The following EIF4G3 variants were observed in gnomAD, a reference collection of about 807,000 sequenced individuals.
The protein encoded by EIF4G3 is eIF-4-gamma 3.
Under a neutral mutation model 186.4 loss-of-function variants are expected in EIF4G3, and 34 were observed. The observed-to-expected ratio is 0.18, with a 90% CI of 0.14 to 0.24. The LOEUF is 0.24. Among genes scored for constraint, EIF4G3 ranks in the 10% least tolerant of loss-of-function variants. The pLI is 1.00. For synonymous variants in EIF4G3, 673 were observed against 679.5 expected (o/e 0.99, Z 0.15); for missense variants, 1,536 against 1,948.5 (o/e 0.79, Z 3.99).
chr1:20,945,214 C>T (rs931427264), intron 13 of EIF4G3, among the ~76,000 whole-genome samples: 4 of 151,426 alleles, frequency 2.6e-5, no homozygotes, highest in Admixed American at 2.0e-4. Context: ...TAGGAATTTG[C>T]AGGAATTCCA....
chr1:20,907,898 G>A (rs949736307), intron 14 of EIF4G3, among the ~76,000 whole-genome samples: 6 of 151,920 alleles, frequency 3.9e-5, no homozygotes, highest in African/African-American at 1.5e-4. Flanking sequence ...TAATCCTTTG[G>A]GTATATACCC....
chr1:20,941,207 G>A (rs567392882), intron 14 of EIF4G3: 12 of 1,512,902 alleles, frequency 7.9e-6, no homozygotes, highest in Non-Finnish European at 1.1e-5. Context: ...ATATGAATGA[G>A]GCAATAGCAA....
At chr1:21,158,155 T>C (rs986853929) in intron 2 of EIF4G3, among the ~76,000 whole-genome samples, 19 of 150,376 alleles carry the variant, frequency 1.3e-4, no homozygotes, top group Non-Finnish European at 2.2e-4. Context: ...ACTCTCTCTT[T>C]AACAAATACA....
intron 2 of EIF4G3, among the ~76,000 whole-genome samples, chr1:21,149,058 T>C (rs1007796668): frequency 6.6e-6 from 1 of 151,532 alleles, no homozygotes; most frequent in Non-Finnish European, 1.5e-5. Context: ...ATCATGCCAT[T>C]GTACTCCAGC....
At chr1:21,025,547 G>T (rs1055944367) in intron 4 of EIF4G3, among the ~76,000 whole-genome samples, 1 of 152,158 alleles carries the variant, frequency 6.6e-6, no homozygotes, top group Non-Finnish European at 1.5e-5. Flanking sequence ...CTTCTCCAAG[G>T]TTTGAGGATT....
chr1:21,151,012 T>C (rs2097540440), intron 2 of EIF4G3, among the ~76,000 whole-genome samples: 1 of 151,906 alleles, frequency 6.6e-6, no homozygotes, highest in Non-Finnish European at 1.5e-5. Flanking sequence ...AAACAAAATA[T>C]CACTTACTAC....
intron 18 of EIF4G3, chr1:20,892,592 T>C: frequency 1.4e-6 from 2 of 1,392,950 alleles, no homozygotes; most frequent in Non-Finnish European, 2.0e-6. Flanking sequence ...GAGACTATTA[T>C]TACAAAAAAC....
chr1:21,041,914 C>G (rs936300348), intron 4 of EIF4G3, among the ~76,000 whole-genome samples: 10 of 151,734 alleles, frequency 6.6e-5, no homozygotes, highest in Admixed American at 6.6e-5. Context: ...GGGAAAAAAA[C>G]GTAAATAAAT....
intron 13 of EIF4G3, among the ~76,000 whole-genome samples, chr1:20,944,669 T>C (rs2095865041): frequency 1.3e-5 from 2 of 152,150 alleles, no homozygotes; most frequent in South Asian, 4.1e-4. Context: ...CAATTTCTGA[T>C]AGTAAAAAAT....
chr1:20,840,730 C>G, intron 30 of EIF4G3, 126 bp downstream of exon 30: 1 of 811,694 alleles, frequency 1.2e-6, no homozygotes, highest in Non-Finnish European at 2.0e-6. Flanking sequence ...ATCATATCAA[C>G]ATATTACAGT....
At chr1:21,049,845 C>G (rs963824228) in intron 4 of EIF4G3, among the ~76,000 whole-genome samples, 5 of 152,194 alleles carry the variant, frequency 3.3e-5, no homozygotes, top group Middle Eastern at 3.4e-3. Flanking sequence ...GAGCTATGAT[C>G]ATGCCACTGT....
chr1:20,892,534 C>T lies in EIF4G3; in HGVS notation c.2253+983G>A, dbSNP rs1217180948. On this transcript the variant is annotated intron_variant, in intron 18 of 36. Coordinates refer to ENST00000602326, the MANE Select transcript of EIF4G3 (RefSeq NM_001391906.1). ...GTCATTTGTTAAAATTTTGACTTAACAATCAATAGTAAATAAAAAGAGCGT... is the reference window on the plus strand; with the variant it reads ...GTCATTTGTTAAAATTTTGACTTAATAATCAATAGTAAATAAAAAGAGCGT... The T allele has an allele frequency of 9.7e-6, 10 of 1,026,112 alleles. No individual in the cohort carries two copies. The Admixed American group carries it at 1.6e-4, about 17-fold the overall frequency. 63.6% of individuals were successfully genotyped at this position (1,026,112 alleles called of 1,614,324 possible).
intron 7 of EIF4G3, among the ~76,000 whole-genome samples, chr1:20,992,577 T>C (rs973564972): frequency 1.3e-4 from 20 of 152,248 alleles, no homozygotes; most frequent in African/African-American, 4.3e-4. Flanking sequence ...GCTGGTTTTA[T>C]GAAGCTCATT....
At chr1:20,915,990 G>A (rs1288542358) in intron 14 of EIF4G3, among the ~76,000 whole-genome samples, 1 of 152,066 alleles carries the variant, frequency 6.6e-6, no homozygotes, top group East Asian at 1.9e-4. Context: ...ACAAGACTAG[G>A]AAGTATACTT....
At chr1:21,012,995 G>A (rs930065940) in intron 4 of EIF4G3, among the ~76,000 whole-genome samples, 2 of 152,106 alleles carry the variant, frequency 1.3e-5, no homozygotes, top group Non-Finnish European at 2.9e-5. Flanking sequence ...ACCTTACCTA[G>A]AACTAAAGCA....
chr1:20,980,416 G>A lies in EIF4G3; in HGVS notation c.411C>T (p.Pro137=), dbSNP rs1363123537. The A allele has an allele frequency of 6.5e-7, 1 of 1,544,738 alleles. No individual in the cohort carries two copies. ...YRHSGPPYVG[P]PQQYPVQPPG... is the part of the protein sequence containing the mutation. ...GTGGTTGAACTGGATATTGTTGGGG[G>A]GGCCCAACATAAGGAGGGCCACTAT... Residue 137 remains proline (P), a synonymous_variant, in exon 10 of 37, where the codon CCC becomes CCT. Transcript: ENST00000602326.
chr1:21,124,989 GA>G, intron 2 of EIF4G3, among the ~76,000 whole-genome samples: 1 of 152,270 alleles, frequency 6.6e-6, no homozygotes, highest in Non-Finnish European at 1.5e-5. Context: ...TCCAGGTTTA[GA>G]AATAAGTTCC....
rs558737567 is a variant in EIF4G3 at position 20,843,504 on chromosome 1, G to A, written c.3889-2476C>T. Among the ~76,000 whole-genome samples the A allele has an allele frequency of 3.3e-5, 5 of 152,000 alleles. No homozygotes were observed. The East Asian group carries it at 7.8e-4, about 24-fold the overall frequency. ...TGCACTCCAGCCTGGGCGACACGGT[G>A]AGACTCTGTCTCCAAAAAATAAATA... On this transcript the variant is annotated intron_variant, in intron 29 of 36. Transcript: ENST00000602326.
rs914993806 is a variant in EIF4G3 at position 20,926,963 on chromosome 1, A to G, written c.1663+14528T>C. On this transcript the variant is annotated intron_variant, in intron 14 of 36. Transcript: ENST00000602326. Reference sequence around the variant, plus strand: ...AGTACTACGAGTATTTTAAATTGACATAATTATATGTTTAAGGGTTCGAGG... The same window carrying G: ...AGTACTACGAGTATTTTAAATTGACGTAATTATATGTTTAAGGGTTCGAGG... Among the ~76,000 whole-genome samples the G allele has an allele frequency of 9.8e-5, 15 of 152,304 alleles. No homozygotes were observed. In the East Asian group the frequency reaches 2.9e-3, roughly 29 times the overall value.
Sources: gnomAD v4.1 joint callset for allele counts (sites outside exome capture counted in the v4.1 genomes callset) on GRCh38, gnomAD v4.1.1 for gene constraint, MANE v1.5 for transcripts, NCBI Gene and HGNC (gene_info 2026-07-23, HGNC 2026-07-21) for gene names.